The following TENM3 variants were observed in gnomAD, a reference collection of about 807,000 sequenced individuals.
The protein encoded by TENM3 is teneurin transmembrane protein 3.
In TENM3, 63 loss-of-function variants were observed where a neutral mutation model predicts 255.1. That is an observed-to-expected ratio of 0.25 (90% confidence interval 0.20 to 0.30). TENM3 has a LOEUF of 0.30. TENM3 is among the 10% of genes least tolerant of loss of function. TENM3 has a pLI of 1.00. For missense variants in TENM3, 2,929 were observed against 3,461.1 expected (o/e 0.85, Z 3.86); for synonymous variants, 1,306 against 1,322.3 (o/e 0.99, Z 0.27).
chr4:182,785,715 A>C (rs1377410136), intron 24 of TENM3, among the ~76,000 whole-genome samples: 1 of 146,132 alleles, frequency 6.8e-6, no homozygotes, highest in Non-Finnish European at 1.5e-5. Flanking sequence ...CTCAAGATAA[A>C]AAAAAAAAAA....
chr4:181,740,997 G>A, the TENM3 span, among the ~76,000 whole-genome samples: 2 of 152,096 alleles, frequency 1.3e-5, no homozygotes, highest in African/African-American at 4.8e-5. Context: ...GAAAAATTGA[G>A]AGATATCAGA....
chr4:182,145,062 G>A (rs1466366883), intron 1 of TENM3: 2 of 152,154 alleles, frequency 1.3e-5, no homozygotes, highest in Non-Finnish European at 1.5e-5. Context: ...AGGCAGTCCG[G>A]AGGCTGGGCG....
In TENM3 at chr4:182,391,620, C is replaced by T. The variant is rs993276396; in HGVS notation, c.511+44691C>T. Among the ~76,000 whole-genome samples, 5 of 152,180 alleles carry T rather than the reference C, an allele frequency of 3.3e-5. No homozygotes were observed. The East Asian group carries it at 9.6e-4, about 29-fold the overall frequency. ...TGAGCAGATTCAATAAATGTAATGGCATTTAATGATTATGCAGCTCGTAGC... is the reference window on the plus strand; with the variant it reads ...TGAGCAGATTCAATAAATGTAATGGTATTTAATGATTATGCAGCTCGTAGC... On this transcript the variant is annotated intron_variant, in intron 3 of 27. Coordinates refer to ENST00000511685, the MANE Select transcript of TENM3 (RefSeq NM_001080477.4).
At chr4:182,673,535 T>C (rs1374136619) in intron 7 of TENM3, among the ~76,000 whole-genome samples, 3 of 152,248 alleles carry the variant, frequency 2.0e-5, no homozygotes, top group African/African-American at 7.2e-5. Flanking sequence ...GATTCTATGA[T>C]AATTTCCGAT....
At chr4:181,501,275 C>A in the TENM3 span, among the ~76,000 whole-genome samples, 29 of 152,182 alleles carry the variant, frequency 1.9e-4, no homozygotes, top group Non-Finnish European at 5.9e-5. Context: ...TGGGAGATGT[C>A]CCAGCCTTTT....
intron 22 of TENM3, among the ~76,000 whole-genome samples, chr4:182,766,090 C>T (rs1001716506): frequency 6.6e-6 from 1 of 152,152 alleles, no homozygotes; most frequent in African/African-American, 2.4e-5. Context: ...CACAGCCCTC[C>T]TTGTCCTCGC....
chr4:181,760,679 T>A, the TENM3 span, among the ~76,000 whole-genome samples: 1 of 152,008 alleles, frequency 6.6e-6, no homozygotes, highest in Non-Finnish European at 1.5e-5. Context: ...TAGGATATGG[T>A]AAATTTGACC....
the TENM3 span, among the ~76,000 whole-genome samples, chr4:181,938,294 C>T: frequency 1.3e-5 from 2 of 152,140 alleles, no homozygotes; most frequent in Admixed American, 6.5e-5. Context: ...TCCAGAAAAT[C>T]GTAACCTTTA....
the TENM3 span, among the ~76,000 whole-genome samples, chr4:181,746,678 C>T: frequency 6.6e-6 from 1 of 152,008 alleles, no homozygotes; most frequent in South Asian, 2.1e-4. Flanking sequence ...TTATTTTTCC[C>T]TATGCAGAAA....
the TENM3 span, among the ~76,000 whole-genome samples, chr4:181,823,476 T>A: frequency 6.6e-6 from 1 of 152,306 alleles, no homozygotes; most frequent in East Asian, 1.9e-4. Context: ...ACTTCAAAAC[T>A]ATTCTATCAA....
At chr4:182,496,053 G>A (rs1735744040) in intron 3 of TENM3, among the ~76,000 whole-genome samples, 1 of 152,108 alleles carries the variant, frequency 6.6e-6, no homozygotes, top group South Asian at 2.1e-4. Flanking sequence ...GAGGAACTAA[G>A]GTATAGTAGC....
chr4:181,768,871 A>G, the TENM3 span, among the ~76,000 whole-genome samples: 253 of 152,288 alleles, frequency 1.7e-3, no homozygotes, highest in African/African-American at 5.9e-3. Flanking sequence ...GATGAAACCC[A>G]TCTTGCCATC....
chr4:182,430,828 A>G (rs1372393271), intron 3 of TENM3, among the ~76,000 whole-genome samples: 1 of 151,792 alleles, frequency 6.6e-6, no homozygotes, highest in Non-Finnish European at 1.5e-5. Flanking sequence ...TTTGGGCAAC[A>G]TGGTGAAACC....
chr4:181,480,133 A>C, the TENM3 span, among the ~76,000 whole-genome samples: 1 of 151,732 alleles, frequency 6.6e-6, no homozygotes, highest in Admixed American at 6.6e-5. Context: ...AACCTAGATC[A>C]ATTCCTATAA....
chr4:181,629,175 A>G, the TENM3 span, among the ~76,000 whole-genome samples: 1 of 152,172 alleles, frequency 6.6e-6, no homozygotes, highest in African/African-American at 2.4e-5. Flanking sequence ...TGATTTTTGC[A>G]CATTGATTTT....
the TENM3 span, among the ~76,000 whole-genome samples, chr4:182,100,448 AAT>A: frequency 1.2e-4 from 14 of 114,698 alleles, no homozygotes; most frequent in Admixed American, 5.4e-4. Flanking sequence ...TAAAAAAAAA[AAT>A]ATATATATAT....
chr4:182,339,621 G>A (rs1314179928), intron 2 of TENM3, among the ~76,000 whole-genome samples: 1 of 152,150 alleles, frequency 6.6e-6, no homozygotes, highest in Non-Finnish European at 1.5e-5. Context: ...TTGGTCTGAT[G>A]TGTTGAGCCC....
intron 3 of TENM3, among the ~76,000 whole-genome samples, chr4:182,595,340 C>T (rs1384987436): frequency 1.3e-5 from 2 of 151,904 alleles, no homozygotes; most frequent in Non-Finnish European, 2.9e-5. Context: ...ACCCTGTATC[C>T]AATAGCTCGT....
chr4:181,903,859 AG>A, the TENM3 span, among the ~76,000 whole-genome samples: 2 of 152,090 alleles, frequency 1.3e-5, no homozygotes, highest in African/African-American at 4.8e-5. Context: ...TGTGTGACCC[AG>A]GGCTCAATCC....
Sources: gnomAD v4.1 joint callset for allele counts (sites outside exome capture counted in the v4.1 genomes callset) on GRCh38, gnomAD v4.1.1 for gene constraint, MANE v1.5 for transcripts, NCBI Gene and HGNC (gene_info 2026-07-23, HGNC 2026-07-21) for gene names.